Variants in AUTS2 observed in about 807,000 individuals in gnomAD.
The protein encoded by AUTS2 is autism susceptibility gene 2 protein.
Under a neutral mutation model 112.4 loss-of-function variants are expected in AUTS2, and 17 were observed. The ratio of observed to expected loss-of-function variants is 0.15; its 90% confidence interval spans 0.10 to 0.23. The LOEUF is 0.23. Ranked by LOEUF, AUTS2 falls within the 10% of genes least tolerant of loss-of-function variation. AUTS2 has a pLI of 1.00. For synonymous variants in AUTS2, 751 were observed against 702.7 expected, an observed-to-expected ratio of 1.07 and a Z score of -1.09; for missense variants, 1,510 against 1,701.6, an observed-to-expected ratio of 0.89 and a Z score of 1.98.
chr7:69,924,087 A>G (rs1053679706), intron 2 of AUTS2, among the ~76,000 whole-genome samples: 19 of 152,308 alleles, frequency 1.2e-4, no homozygotes, highest in Non-Finnish European at 2.8e-4. Flanking sequence ...CGTTTTTCAT[A>G]GTGCCCTTTA....
chr7:69,934,628 T>C (rs1796341450), intron 2 of AUTS2, among the ~76,000 whole-genome samples: 1 of 152,110 alleles, frequency 6.6e-6, no homozygotes, highest in African/African-American at 2.4e-5. Flanking sequence ...CCTATTAGAC[T>C]TGCAAAAATA....
chr7:70,018,146 G>A (rs1396952769), intron 2 of AUTS2, among the ~76,000 whole-genome samples: 3 of 151,848 alleles, frequency 2.0e-5, no homozygotes, highest in African/African-American at 7.3e-5. Context: ...TTTGAAAATA[G>A]TTTTGTGTGA....
At chr7:70,755,733 T>G (rs1789156080) in intron 6 of AUTS2, among the ~76,000 whole-genome samples, 1 of 152,134 alleles carries the variant, frequency 6.6e-6, no homozygotes, top group Non-Finnish European at 1.5e-5. Context: ...CTCAGTTGGC[T>G]TATTTTAATG....
At chr7:70,211,962 G>A (rs1304293688) in intron 4 of AUTS2, among the ~76,000 whole-genome samples, 1 of 152,196 alleles carries the variant, frequency 6.6e-6, no homozygotes, top group African/African-American at 2.4e-5. Context: ...CTCCAGCCTG[G>A]GCAACAGAGC....
chr7:70,332,579 T>G (rs1790805887), intron 4 of AUTS2, among the ~76,000 whole-genome samples: 1 of 152,180 alleles, frequency 6.6e-6, no homozygotes, highest in Non-Finnish European at 1.5e-5. Context: ...AAGGCTACAG[T>G]AACCACAACA....
chr7:69,778,251 T>A lies in AUTS2; in HGVS notation c.310-121035T>A, dbSNP rs1335813712. Among the ~76,000 whole-genome samples, 774 of 91,582 alleles carry A rather than the reference T, an allele frequency of 8.5e-3. 5 individuals carry two copies. The highest frequency in any genetic ancestry group is 0.014 in the South Asian group (45 of 3,176). The allele number at this position is 91,582 out of a possible 152,430, so 60.1% of individuals were successfully genotyped here. ...CCATATATATATATATATATATTTT[T>A]TTTTTTTTTTACTCATTTGGTCTGT... On this transcript the variant is annotated intron_variant, in intron 1 of 18. Coordinates refer to ENST00000342771, the MANE Select transcript of AUTS2 (RefSeq NM_015570.4).
Position 69,653,276 on chromosome 7 carries a change from G to A in AUTS2, c.309+53314G>A, listed in dbSNP as rs192936503. ...TTTCTAATGGGGCAGCTCTGCATCT[G>A]TGTCCTGTCCCCAAAGACTAAAGAG... On this transcript the variant is annotated intron_variant, in intron 1 of 18. Coordinates refer to ENST00000342771, the MANE Select transcript of AUTS2 (RefSeq NM_015570.4). Among the ~76,000 whole-genome samples, 9 of 152,324 alleles carry A rather than the reference G, an allele frequency of 5.9e-5. No homozygotes were observed. In the East Asian group the frequency reaches 1.5e-3, roughly 26 times the overall value.
intron 4 of AUTS2, among the ~76,000 whole-genome samples, chr7:70,228,867 AATGT>A (rs1811906435): frequency 6.6e-6 from 1 of 151,998 alleles, no homozygotes; most frequent in Non-Finnish European, 1.5e-5. Context: ...AAAATAGAAA[AATGT>A]ATGTATGATT....
chr7:69,973,309 T>G (rs1797931637), intron 2 of AUTS2, among the ~76,000 whole-genome samples: 1 of 152,244 alleles, frequency 6.6e-6, no homozygotes, highest in Non-Finnish European at 1.5e-5. Flanking sequence ...ATGGAGTTAT[T>G]AGTTTGAGGA....
chr7:70,148,639 T>C (rs974232213), intron 4 of AUTS2, among the ~76,000 whole-genome samples: 1 of 151,832 alleles, frequency 6.6e-6, no homozygotes, highest in Non-Finnish European at 1.5e-5. Context: ...TTTTTTTTTA[T>C]TGTGGGTGCT....
chr7:70,099,060 G>A (rs1015930401), intron 2 of AUTS2, among the ~76,000 whole-genome samples: 1 of 151,782 alleles, frequency 6.6e-6, no homozygotes, highest in Non-Finnish European at 1.5e-5. Flanking sequence ...TACATTGTTG[G>A]TCCTTGAAAA....
chr7:69,968,488 A>G (rs1563003028), intron 2 of AUTS2, among the ~76,000 whole-genome samples: 1 of 152,226 alleles, frequency 6.6e-6, no homozygotes, highest in African/African-American at 2.4e-5. Flanking sequence ...TTCCACATCC[A>G]TATGTGTCAC....
chr7:70,450,974 G>A (rs1796507682), intron 5 of AUTS2, among the ~76,000 whole-genome samples: 1 of 152,168 alleles, frequency 6.6e-6, no homozygotes, highest in African/African-American at 2.4e-5. Context: ...TAGGAGCTCA[G>A]GGAGGGGCTT....
chr7:70,058,436 A>AC (rs554929335), intron 2 of AUTS2, among the ~76,000 whole-genome samples: 15 of 151,790 alleles, frequency 9.9e-5, no homozygotes, highest in East Asian at 7.7e-4. Context: ...GTTTCCATGT[A>AC]CCCCCCCGCT....
chr7:70,690,556 C>T (rs142346028), intron 5 of AUTS2, among the ~76,000 whole-genome samples: 258 of 152,266 alleles, frequency 1.7e-3, no homozygotes, highest in Middle Eastern at 6.8e-3. Context: ...CTGTATAAAA[C>T]GCTTAACAGA....
chr7:70,043,541 T>TTCCC (rs939767665), intron 2 of AUTS2, among the ~76,000 whole-genome samples: 5 of 141,122 alleles, frequency 3.5e-5, no homozygotes, highest in East Asian at 2.2e-4. Context: ...CCTTGCCTCC[T>TTCCC]TCCCTCCCTT....
At chr7:69,888,341 C>G (rs1360055395) in intron 1 of AUTS2, among the ~76,000 whole-genome samples, 1 of 150,792 alleles carries the variant, frequency 6.6e-6, no homozygotes, top group African/African-American at 2.4e-5. Flanking sequence ...GTGCAGAGGT[C>G]GCATGATGAG....
At chr7:70,656,303 T>C (rs984637767) in intron 5 of AUTS2, among the ~76,000 whole-genome samples, 3 of 152,150 alleles carry the variant, frequency 2.0e-5, no homozygotes, top group African/African-American at 7.2e-5. Context: ...GATATTATTT[T>C]GAAAATTTAA....
At chr7:70,753,136 A>G (rs762381823) in intron 6 of AUTS2, among the ~76,000 whole-genome samples, 2 of 152,040 alleles carry the variant, frequency 1.3e-5, no homozygotes, top group Non-Finnish European at 2.9e-5. Context: ...ATTAACCCCT[A>G]TCAGGGTTAA....
Sources: allele counts gnomAD v4.1 joint callset (sites outside exome capture counted in the v4.1 genomes callset), GRCh38; gene constraint gnomAD v4.1.1; transcripts MANE v1.5; gene names NCBI Gene and HGNC (gene_info 2026-07-23, HGNC 2026-07-21).